The following FRAS1 variants were observed in gnomAD, a reference collection of about 807,000 sequenced individuals.
FRAS1 encodes extracellular matrix organizing protein FRAS1.
In FRAS1, 290 loss-of-function variants were observed where a neutral mutation model predicts 435.2. That is an observed-to-expected ratio of 0.67 (90% CI 0.61 to 0.73). The LOEUF (loss-of-function observed/expected upper bound fraction) is 0.73. FRAS1 is among the 30% of genes least tolerant of loss of function. The probability of loss-of-function intolerance (pLI) is 0.00; values close to 1 mark genes in which losing one functional copy is unlikely to be tolerated. For synonymous variants in FRAS1, 1,800 were observed against 1,851.0 expected, an observed-to-expected ratio of 0.97 and a Z score of 0.71; for missense variants, 4,860 against 5,001.5, an observed-to-expected ratio of 0.97 and a Z score of 0.85.
chr4:78,468,146 C>T (rs1176095382), intron 50 of FRAS1, among the ~76,000 whole-genome samples: 1 of 152,122 alleles, frequency 6.6e-6, no homozygotes, highest in Non-Finnish European at 1.5e-5. Flanking sequence ...TAAATCTTTG[C>T]TCACACTGAT....
intron 55 of FRAS1, among the ~76,000 whole-genome samples, chr4:78,478,478 A>G (rs1719917723): frequency 6.6e-6 from 1 of 152,242 alleles, no homozygotes; most frequent in Admixed American, 6.5e-5. Context: ...CCTATGTGAC[A>G]GTCATATGTA....
chr4:78,093,111 T>A (rs950236403), intron 2 of FRAS1, among the ~76,000 whole-genome samples: 4 of 152,240 alleles, frequency 2.6e-5, no homozygotes, highest in African/African-American at 9.6e-5. Flanking sequence ...AGGAAAATTC[T>A]GAACCCAAGT....
intron 49 of FRAS1, 62 bp from the exon 50 acceptor site, chr4:78,466,146 A>T: frequency 7.3e-7 from 1 of 1,363,938 alleles, no homozygotes; most frequent in Admixed American, 1.7e-5. Flanking sequence ...ATTGGGCATC[A>T]CTCACTCTTT....
At chr4:78,216,194 A>G (rs1723760878) in intron 2 of FRAS1, among the ~76,000 whole-genome samples, 1 of 152,238 alleles carries the variant, frequency 6.6e-6, no homozygotes, top group South Asian at 2.1e-4. Flanking sequence ...GGAAACAAAA[A>G]GTTGTTCTTT....
intron 18 of FRAS1, among the ~76,000 whole-genome samples, chr4:78,325,552 G>T (rs943508535): frequency 6.6e-6 from 1 of 152,158 alleles, no homozygotes; most frequent in African/African-American, 2.4e-5. Context: ...GCTGACATGC[G>T]CTGTACAAAT....
intron 37 of FRAS1, 145 bp from the exon 38 acceptor site, chr4:78,432,212 A>T: frequency 3.2e-6 from 2 of 633,828 alleles, no homozygotes; most frequent in Non-Finnish European, 4.9e-6. Context: ...AGGGAATCCT[A>T]TAGTAGGTGA....
intron 32 of FRAS1, among the ~76,000 whole-genome samples, chr4:78,418,415 G>A (rs1278813732): frequency 2.6e-5 from 4 of 152,190 alleles, no homozygotes; most frequent in East Asian, 1.9e-4. Flanking sequence ...TTCTTGGGGC[G>A]GAGACTTCAA....
intron 29 of FRAS1, among the ~76,000 whole-genome samples, chr4:78,393,070 G>A (rs766133463): frequency 4.7e-5 from 7 of 149,154 alleles, no homozygotes; most frequent in African/African-American, 9.9e-5. Flanking sequence ...GTAAAAAGCC[G>A]TACATATTTA....
intron 58 of FRAS1, among the ~76,000 whole-genome samples, chr4:78,483,799 A>AAT (rs1365999582): frequency 1.5e-5 from 1 of 67,464 alleles, no homozygotes; most frequent in African/African-American, 4.1e-5. Context: ...TATATATATA[A>AAT]AATTATGTAT....
chr4:78,210,989 G>C (rs974990900), intron 2 of FRAS1, among the ~76,000 whole-genome samples: 4 of 152,184 alleles, frequency 2.6e-5, no homozygotes, highest in African/African-American at 9.7e-5. Flanking sequence ...CTCCTGGTGC[G>C]CGTATGGTGT....
Position 78,372,872 on chromosome 4 carries a change from G to A in FRAS1, c.3010+14G>A. 1.2e-6 allele frequency: 2 copies of A among 1,610,242 alleles called. No homozygotes were observed. Among genetic ancestry groups the A allele is most frequent in the Non-Finnish European group, 1.7e-6 (2 of 1,179,044 alleles). ...GCCTCTGCAAGAGTAAGTGTGTAGA[G>A]GCCCTGCTCTGTGCTCAGCCATACC... On this transcript the variant is annotated intron_variant, in intron 24 of 73. Coordinates refer to ENST00000512123, the MANE Select transcript of FRAS1 (RefSeq NM_025074.7).
intron 69 of FRAS1, among the ~76,000 whole-genome samples, chr4:78,524,330 C>A (rs904671224): frequency 7.2e-5 from 11 of 152,086 alleles, no homozygotes; most frequent in African/African-American, 2.7e-4. Context: ...AATGAAGAAC[C>A]CCACCAAGCA....
At chr4:78,336,383 G>T (rs1171219915) in intron 19 of FRAS1, among the ~76,000 whole-genome samples, 2 of 152,122 alleles carry the variant, frequency 1.3e-5, no homozygotes, top group Non-Finnish European at 2.9e-5. Context: ...TTGTTTAGGG[G>T]AGGAAAGTCT....
chr4:78,242,497 G>A (rs1188014983), intron 3 of FRAS1, among the ~76,000 whole-genome samples: 1 of 152,166 alleles, frequency 6.6e-6, no homozygotes, highest in Non-Finnish European at 1.5e-5. Context: ...GTGCAGTGGT[G>A]TGATCTCTGC....
chr4:78,442,635 G>A (rs1184444178), intron 41 of FRAS1, among the ~76,000 whole-genome samples: 7 of 152,204 alleles, frequency 4.6e-5, no homozygotes, highest in Admixed American at 3.9e-4. Context: ...ACATGGAGGT[G>A]CAGAGATACT....
chr4:78,306,874 C>A (rs1332796024), intron 14 of FRAS1, among the ~76,000 whole-genome samples: 5 of 152,194 alleles, frequency 3.3e-5, no homozygotes. Flanking sequence ...TCGTCAAAGT[C>A]ATTCTCCATC....
intron 18 of FRAS1, among the ~76,000 whole-genome samples, chr4:78,320,853 C>G (rs535825922): frequency 6.6e-6 from 1 of 152,194 alleles, no homozygotes; most frequent in East Asian, 1.9e-4. Flanking sequence ...AGTGAGACCC[C>G]TGGCTTTTGT....
At chr4:78,472,452 A>G (rs534862077) in intron 52 of FRAS1, 122 bp downstream of exon 52, 87 of 788,342 alleles carry the variant, frequency 1.1e-4, no homozygotes, top group Non-Finnish European at 1.6e-4. Context: ...CTTTGCAGAG[A>G]TCTTCTAGTG....
At position 78,384,018 on chromosome 4, in the gene FRAS1, A is replaced by G. The variant is rs76593987; in HGVS notation, c.3564-41A>G. ...CCTTTTCTGTGTAAAGTCTAATGTAATGATTGTATTTTCTTATTCCTTTCT... is the reference window on the plus strand; with the variant it reads ...CCTTTTCTGTGTAAAGTCTAATGTAGTGATTGTATTTTCTTATTCCTTTCT... On this transcript the variant is annotated intron_variant, in intron 27 of 73. Coordinates refer to ENST00000512123, the MANE Select transcript of FRAS1 (RefSeq NM_025074.7). The G allele has an allele frequency of 1.9e-3, 2,736 of 1,413,312 alleles. 28 individuals are homozygous for G. The African/African-American group carries it at 0.034, about 18-fold the overall frequency. 87.5% of individuals were successfully genotyped at this position (1,413,312 alleles called of 1,614,324 possible). A position where few individuals can be genotyped will look rare whatever the true frequency, so the allele number is the denominator to read the frequency against.
Sources: allele counts gnomAD v4.1 joint callset (sites outside exome capture counted in the v4.1 genomes callset), GRCh38; gene constraint gnomAD v4.1.1; transcripts MANE v1.5; gene names NCBI Gene and HGNC (gene_info 2026-07-23, HGNC 2026-07-21).